TRPV1: variants seen among roughly 807,000 people sequenced by gnomAD.
TRPV1 encodes OTRPC1.
A neutral mutation model predicts 82.3 loss-of-function variants in TRPV1; 82 were observed. The observed-to-expected ratio is 1.00, with a 90% CI of 0.83 to 1.20. The LOEUF is 1.20. Among genes scored for constraint, TRPV1 ranks in the 50% most tolerant of loss-of-function variants. TRPV1 has a pLI of 0.00. For missense variants in TRPV1, 1,067 were observed against 1,096.8 expected, an observed-to-expected ratio of 0.97 and a Z score of 0.38; for synonymous variants, 515 against 467.7, an observed-to-expected ratio of 1.10 and a Z score of -1.30.
intron 9 of TRPV1, among the ~76,000 whole-genome samples, chr17:3,584,795 CA>C (rs1286493412): frequency 6.6e-6 from 1 of 151,874 alleles, no homozygotes; most frequent in East Asian, 1.9e-4. Context: ...GACTCCATCT[CA>C]AAAAAACAAA....
At chr17:3,600,497 G>A (rs2075252791) in intron 2 of TRPV1, among the ~76,000 whole-genome samples, 1 of 152,174 alleles carries the variant, frequency 6.6e-6, no homozygotes, top group African/African-American at 2.4e-5. Flanking sequence ...GCTGAGGCAC[G>A]AGAATCACTT....
chr17:3,581,773 T>C (rs927342450), intron 10 of TRPV1, among the ~76,000 whole-genome samples: 17 of 145,570 alleles, frequency 1.2e-4, no homozygotes, highest in African/African-American at 3.7e-4. Flanking sequence ...TAGTCCCAGC[T>C]ACTCGGGAGG....
At chr17:3,602,149 C>A (rs2075267839) in intron 2 of TRPV1, 1 of 152,232 alleles carries the variant, frequency 6.6e-6, no homozygotes, top group Non-Finnish European at 1.5e-5. Flanking sequence ...AGGCTACACA[C>A]CTGCCGAAGG....
intron 8 of TRPV1, 54 bp from the exon 9 acceptor site, chr17:3,585,980 C>A: frequency 6.2e-7 from 1 of 1,603,582 alleles, no homozygotes. Context: ...ACTCCTCGCA[C>A]GCCCACACCA....
chr17:3,573,532 G>GGCCCCCCCCCCCCC lies in TRPV1; in HGVS notation c.2103+100_2103+101insGGGGGGGGGGGGGC. 7.8e-5 allele frequency: 20 copies of GGCCCCCCCCCCCCC among 257,076 alleles called. 5 individuals carry two copies. The highest frequency in any genetic ancestry group is 2.7e-4 in the South Asian group (9 of 33,506). 15.9% of individuals were successfully genotyped at this position (257,076 alleles called of 1,614,324 possible). The stretch of plus-strand genomic sequence containing the variant: ...GCCCATACCCTCCTGGCCACACACC[G>GGCCCCCCCCCCCCC]CCCCCACCACCCACCCACCTGCAGC... On this transcript the variant is annotated intron_variant, in intron 14 of 16. Transcript: ENST00000572705.
At chr17:3,596,782 CTG>C (rs1439867676) in intron 2 of TRPV1, 1 of 152,324 alleles carries the variant, frequency 6.6e-6, no homozygotes, top group African/African-American at 2.4e-5. Flanking sequence ...GATAAGGTAA[CTG>C]GGGCACAGAG....
intron 13 of TRPV1, among the ~76,000 whole-genome samples, chr17:3,576,372 G>A (rs2150830944): frequency 6.6e-6 from 1 of 152,052 alleles, no homozygotes; most frequent in South Asian, 2.1e-4. Flanking sequence ...ATAACAACTA[G>A]CCAGGTGCAG....
chr17:3,600,006 C>CACTT (rs2075249605), intron 2 of TRPV1, among the ~76,000 whole-genome samples: 1 of 152,200 alleles, frequency 6.6e-6, no homozygotes, highest in Admixed American at 6.6e-5. Flanking sequence ...AGCTGATGAA[C>CACTT]ACTTGGCTTG....
Position 3,566,877 on chromosome 17 carries a change from C to T in TRPV1, c.2458G>A (p.Gly820Arg), listed in dbSNP as rs201649537. Residue 820 changes from glycine (G) to arginine (R), a missense_variant, in exon 17 of 17, where the codon GGG (glycine) becomes AGG (arginine). Physicochemically the swap from Gly to Arg is moderately radical, Grantham distance 125 (BLOSUM62 -2). Transcript: ENST00000572705. The part of the protein sequence containing the change: ...PEEVYLRQFS[G>R]SLKPEDAEVF... ...TCAGCGTCCTCTGGCTTCAGAGACC[C>T]TGAAAACTGTCGCAGATAAACTTCC... is the stretch of plus-strand genomic sequence containing the variant. 5.6e-6 allele frequency: 9 copies of T among 1,613,992 alleles called. No homozygotes were observed. The highest frequency in any genetic ancestry group is 6.8e-6 in the Non-Finnish European group (8 of 1,179,898).
At chr17:3,581,993 A>C (rs567871037) in intron 10 of TRPV1, among the ~76,000 whole-genome samples, 28 of 144,968 alleles carry the variant, frequency 1.9e-4, no homozygotes, top group South Asian at 9.1e-4. Context: ...GATCGAGACC[A>C]TCCTGGCTAA....
At chr17:3,577,513 G>C (rs1256472606) in intron 12 of TRPV1, 85 bp downstream of exon 12, 1 of 1,459,018 alleles carries the variant, frequency 6.9e-7, no homozygotes, top group Non-Finnish European at 9.3e-7. Flanking sequence ...ACGACAGAGA[G>C]GATGGGCGGA....
chr17:3,588,382 C>G lies in TRPV1; in HGVS notation c.1045-15G>C, dbSNP rs575351052. 1 of 1,549,992 alleles carries G rather than the reference C, an allele frequency of 6.5e-7. No individual in the cohort carries two copies. Among genetic ancestry groups the G allele is most frequent in the South Asian group, 1.2e-5 (1 of 84,084 alleles). On this transcript the variant is annotated splice_polypyrimidine_tract_variant and intron_variant, in intron 7 of 16. Coordinates refer to ENST00000572705, the MANE Select transcript of TRPV1 (RefSeq NM_080704.4). ...TAGGCCAAGACCTGCCCCCGGGGAGCAAGAGCCCGTCAGAGGCCAGCCCCA... is the reference window on the plus strand; with the variant it reads ...TAGGCCAAGACCTGCCCCCGGGGAGGAAGAGCCCGTCAGAGGCCAGCCCCA...
intron 2 of TRPV1, among the ~76,000 whole-genome samples, chr17:3,596,766 T>C (rs553419063): frequency 1.3e-5 from 2 of 152,232 alleles, no homozygotes; most frequent in Non-Finnish European, 2.9e-5. Flanking sequence ...CTACCCCCCG[T>C]TTTCAGATAA....
chr17:3,571,399 G>T (rs921208830), intron 16 of TRPV1, 125 bp downstream of exon 16: 10 of 704,352 alleles, frequency 1.4e-5, no homozygotes, highest in Non-Finnish European at 2.4e-5. Context: ...GTCAGGAGCT[G>T]CCACAGCGCC....
intron 13 of TRPV1, among the ~76,000 whole-genome samples, chr17:3,575,421 T>C (rs1232550338): frequency 1.3e-5 from 2 of 151,506 alleles, no homozygotes; most frequent in Non-Finnish European, 2.9e-5. Flanking sequence ...AGGCCGAGGT[T>C]GCAGTGAGCA....
Position 3,591,097 on chromosome 17 carries a change from G to A in TRPV1, c.471C>T (p.Thr157=), listed in dbSNP as rs2075151499. Residue 157 remains threonine (T), a synonymous_variant, in exon 5 of 17, where the codon ACC becomes ACT. Transcript: ENST00000572705. ...NEFKDPETGK[T]CLLKAMLNLH... ...GGTTGAGCATGGCTTTCAGCAGACAGGTCTTCCCTGTCTCAGGGTCTGAAA... is the reference window on the plus strand; with the variant it reads ...GGTTGAGCATGGCTTTCAGCAGACAAGTCTTCCCTGTCTCAGGGTCTGAAA... The A allele has an allele frequency of 6.2e-7, 1 of 1,612,784 alleles. No homozygotes were observed. The highest frequency in any genetic ancestry group is 8.5e-7 in the Non-Finnish European group (1 of 1,179,456).
intron 8 of TRPV1, among the ~76,000 whole-genome samples, chr17:3,587,792 A>AAC (rs1294235813): frequency 3.9e-5 from 6 of 152,096 alleles, no homozygotes; most frequent in Non-Finnish European, 8.8e-5. Context: ...CAGCCTGGGT[A>AAC]ACAAGAGCAA....
intron 10 of TRPV1, among the ~76,000 whole-genome samples, chr17:3,582,734 G>A (rs985071652): frequency 6.6e-6 from 1 of 151,964 alleles, no homozygotes; most frequent in Non-Finnish European, 1.5e-5. Context: ...GAGGCAGGTG[G>A]ATCACCTGAG....
intron 11 of TRPV1, among the ~76,000 whole-genome samples, chr17:3,580,173 A>G (rs1378018695): frequency 1.3e-5 from 2 of 152,156 alleles, no homozygotes; most frequent in East Asian, 3.9e-4. Context: ...TCCAGGGCCA[A>G]CCCCTCGAAT....
Sources: allele counts gnomAD v4.1 joint callset (sites outside exome capture counted in the v4.1 genomes callset), GRCh38; gene constraint gnomAD v4.1.1; transcripts MANE v1.5; gene names NCBI Gene and HGNC (gene_info 2026-07-23, HGNC 2026-07-21).